CCDC171: variants seen among roughly 807,000 people sequenced by gnomAD.
CCDC171 encodes the protein coiled-coil domain containing 171.
CCDC171 carries 177 observed loss-of-function variants against 168.2 expected under a neutral mutation model. That is an observed-to-expected ratio of 1.05 (90% CI 0.93 to 1.19). The LOEUF is 1.19. Among genes scored for constraint, CCDC171 ranks in the 50% most tolerant of loss-of-function variants. The pLI, the probability that CCDC171 is intolerant of heterozygous loss-of-function variation, is 0.00. For missense variants in CCDC171, 1,991 were observed against 1,539.0 expected (o/e 1.29, Z -4.91); for synonymous variants, 687 against 540.8 (o/e 1.27, Z -3.75).
chr9:15,732,355 G>A (rs2054202336), intron 16 of CCDC171, among the ~76,000 whole-genome samples: 2 of 151,978 alleles, frequency 1.3e-5, no homozygotes, highest in African/African-American at 4.8e-5. Flanking sequence ...TAATTTTTGT[G>A]TGTGCTGTTA....
At chr9:16,006,369 G>A (rs978892049) in intron 3 of CCDC171, among the ~76,000 whole-genome samples, 3 of 152,142 alleles carry the variant, frequency 2.0e-5, no homozygotes, top group African/African-American at 7.2e-5. Flanking sequence ...ATGTTTTCAT[G>A]TGTTTATGAG....
chr9:15,699,919 C>T (rs2051566505), intron 11 of CCDC171, among the ~76,000 whole-genome samples: 2 of 152,232 alleles, frequency 1.3e-5, no homozygotes, highest in African/African-American at 4.8e-5. Context: ...TATTTATATT[C>T]CCTGAGCTAG....
At chr9:15,998,151 G>T (rs1184112396) in intron 3 of CCDC171, among the ~76,000 whole-genome samples, 1 of 152,140 alleles carries the variant, frequency 6.6e-6, no homozygotes. Context: ...ATGACAAATG[G>T]AGCCACCCCT....
intron 11 of CCDC171, among the ~76,000 whole-genome samples, chr9:15,696,656 C>T (rs1006881728): frequency 5.3e-5 from 8 of 151,980 alleles, no homozygotes; most frequent in African/African-American, 1.9e-4. Flanking sequence ...TAGCATATGC[C>T]TCAATATTAT....
At chr9:15,804,848 C>A (rs1336974326) in intron 21 of CCDC171, among the ~76,000 whole-genome samples, 2 of 152,044 alleles carry the variant, frequency 1.3e-5, no homozygotes, top group Admixed American at 6.6e-5. Context: ...CTTCTTTGTA[C>A]CCCTGGTAGA....
intron 24 of CCDC171, among the ~76,000 whole-genome samples, chr9:15,900,579 T>C (rs1050300561): frequency 6.6e-6 from 1 of 152,100 alleles, no homozygotes; most frequent in Non-Finnish European, 1.5e-5. Flanking sequence ...GATAATAAAT[T>C]TGTGTTGTTC....
chr9:15,567,027 C>CTTTT (rs34470119), intron 2 of CCDC171, among the ~76,000 whole-genome samples: 2 of 132,314 alleles, frequency 1.5e-5, no homozygotes, highest in Non-Finnish European at 1.6e-5. Context: ...TCTACATGTC[C>CTTTT]TTTTTTTTTT....
At chr9:15,641,775 A>G (rs1398428263) in intron 7 of CCDC171, among the ~76,000 whole-genome samples, 1 of 152,226 alleles carries the variant, frequency 6.6e-6, no homozygotes, top group African/African-American at 2.4e-5. Flanking sequence ...ACTATTTACT[A>G]AAATAAAAAT....
intron 11 of CCDC171, among the ~76,000 whole-genome samples, chr9:15,719,403 G>A (rs1203943084): frequency 1.1e-5 from 1 of 87,282 alleles, no homozygotes. Context: ...GGGGTGGGGG[G>A]CGGGGCGGGG....
chr9:15,964,868 C>G (rs1202435316), intron 25 of CCDC171, among the ~76,000 whole-genome samples: 1 of 152,170 alleles, frequency 6.6e-6, no homozygotes, highest in Non-Finnish European at 1.5e-5. Flanking sequence ...TCGAGCGATT[C>G]TCCTGCCTCA....
In CCDC171 at chr9:15,591,503, C is replaced by A; in HGVS notation, c.490C>A (p.Arg164=). Residue 164 remains arginine (R), a synonymous_variant, in exon 5 of 26, where the codon CGA becomes AGA. Coordinates refer to ENST00000380701, the MANE Select transcript of CCDC171 (RefSeq NM_173550.4). ...AGACAATATGATCCAAAATTGCAAT[C>A]GAGAATATGATTTACTTATGAAAGA... ...ERDNMIQNCN[R]EYDLLMKEKS... 1 of 1,602,480 alleles carries A rather than the reference C, an allele frequency of 6.2e-7. No homozygotes were observed. The highest frequency in any genetic ancestry group is 8.5e-7 in the Non-Finnish European group (1 of 1,173,952).
chr9:15,559,219 G>T (rs889869385), intron 1 of CCDC171, among the ~76,000 whole-genome samples: 5 of 152,012 alleles, frequency 3.3e-5, no homozygotes, highest in Non-Finnish European at 5.9e-5. Context: ...GTTGATTTGG[G>T]GTGGAGAATT....
intron 18 of CCDC171, among the ~76,000 whole-genome samples, chr9:15,753,291 G>C (rs1174207851): frequency 1.3e-5 from 2 of 152,092 alleles, no homozygotes; most frequent in Admixed American, 1.3e-4. Flanking sequence ...GAGGAGAGAT[G>C]GCATTCAGAT....
the CCDC171 span, among the ~76,000 whole-genome samples, chr9:16,073,759 G>C: frequency 6.6e-6 from 1 of 152,176 alleles, no homozygotes; most frequent in Non-Finnish European, 1.5e-5. Context: ...GTCAGGTGCT[G>C]TTCTCTTCAC....
At chr9:15,909,375 C>G (rs1051414420) in intron 24 of CCDC171, among the ~76,000 whole-genome samples, 1 of 146,554 alleles carries the variant, frequency 6.8e-6, no homozygotes, top group African/African-American at 2.5e-5. Context: ...TTTTTAGCAG[C>G]TTTTATGCAT....
chr9:16,108,651 G>A, the CCDC171 span, among the ~76,000 whole-genome samples: 14 of 152,158 alleles, frequency 9.2e-5, no homozygotes, highest in East Asian at 1.9e-4. Flanking sequence ...TACTCAGTCC[G>A]AATAAACCTC....
chr9:15,684,119 T>A (rs1272886862), intron 10 of CCDC171, among the ~76,000 whole-genome samples: 2 of 152,090 alleles, frequency 1.3e-5, no homozygotes, highest in Admixed American at 1.3e-4. Context: ...GGTAACTAGG[T>A]ACAAGATATG....
intron 6 of CCDC171, among the ~76,000 whole-genome samples, chr9:15,608,808 A>ATT (rs960974709): frequency 6.6e-6 from 1 of 150,846 alleles, no homozygotes. Flanking sequence ...AAGTATATAT[A>ATT]TTAGCCAGGC....
the CCDC171 span, among the ~76,000 whole-genome samples, chr9:16,069,931 C>A: frequency 6.6e-6 from 1 of 152,144 alleles, no homozygotes; most frequent in Non-Finnish European, 1.5e-5. Context: ...CAGGGCTCCC[C>A]CTCCCATAGC....
Sources: allele counts gnomAD v4.1 joint callset (sites outside exome capture counted in the v4.1 genomes callset), GRCh38; gene constraint gnomAD v4.1.1; transcripts MANE v1.5; gene names NCBI Gene and HGNC (gene_info 2026-07-23, HGNC 2026-07-21).